MAL2: variants seen among roughly 807,000 people sequenced by gnomAD.
MAL2 encodes protein MAL2.
A neutral mutation model predicts 18.1 loss-of-function variants in MAL2; 17 were observed. That is an observed-to-expected ratio of 0.94 (90% CI 0.64 to 1.41). The LOEUF is 1.41. Among genes scored for constraint, MAL2 ranks in the 40% most tolerant of loss-of-function variants. The probability of loss-of-function intolerance (pLI) is 0.00; values close to 1 mark genes in which losing one functional copy is unlikely to be tolerated. For synonymous variants in MAL2, 102 were observed against 102.3 expected (o/e 1.00, Z 0.02); for missense variants, 222 against 231.9 (o/e 0.96, Z 0.28).
chr8:119,243,235 T>C (rs1261251225), intron 3 of MAL2, among the ~76,000 whole-genome samples, 182 bp from the exon 4 acceptor site: 1 of 151,088 alleles, frequency 6.6e-6, no homozygotes, highest in Non-Finnish European at 1.5e-5. Context: ...AGGGTAATTG[T>C]ATGAGGGAAT....
At chr8:119,225,534 G>A (rs1382556358) in intron 2 of MAL2, among the ~76,000 whole-genome samples, 2 of 152,170 alleles carry the variant, frequency 1.3e-5, no homozygotes, top group African/African-American at 4.8e-5. Context: ...GGACATTTCG[G>A]TTGGTTCCAA....
At chr8:119,226,387 C>A (rs369214487) in intron 2 of MAL2, among the ~76,000 whole-genome samples, 2 of 150,984 alleles carry the variant, frequency 1.3e-5, no homozygotes, top group South Asian at 4.2e-4. Context: ...ACCATTTATT[C>A]AATAGGGAAT....
intron 2 of MAL2, among the ~76,000 whole-genome samples, chr8:119,235,610 C>T (rs1000064212): frequency 1.3e-5 from 2 of 151,950 alleles, no homozygotes; most frequent in Non-Finnish European, 2.9e-5. Flanking sequence ...TTGGCAGAAA[C>T]CCTACAAGCC....
chr8:119,242,293 G>T (rs919342214), intron 3 of MAL2, among the ~76,000 whole-genome samples: 11 of 152,110 alleles, frequency 7.2e-5, no homozygotes, highest in African/African-American at 2.4e-4. Flanking sequence ...TTCTGTTCTG[G>T]CTGCTTCTCT....
intron 2 of MAL2, among the ~76,000 whole-genome samples, chr8:119,237,828 T>C (rs1355892458): frequency 1.3e-5 from 2 of 152,042 alleles, no homozygotes; most frequent in Non-Finnish European, 2.9e-5. Flanking sequence ...CCACAGCCAA[T>C]ATCATACTGA....
chr8:119,212,035 G>A (rs1295337926), intron 1 of MAL2, among the ~76,000 whole-genome samples: 1 of 152,192 alleles, frequency 6.6e-6, no homozygotes, highest in Non-Finnish European at 1.5e-5. Flanking sequence ...ACCTAGTTGA[G>A]AGTATAGTCA....
chr8:119,208,363 G>A lies in MAL2; in HGVS notation c.-110G>A, dbSNP rs1474900076. On this transcript the variant is annotated 5_prime_UTR_variant, in exon 1 of 4. Coordinates refer to ENST00000614891, the MANE Select transcript of MAL2 (RefSeq NM_052886.3). The surrounding 1 kb of genome is among the most constrained non-coding windows in gnomAD (Gnocchi z 4.3). ...ACGGCCACGCCTCCTCCCGCGCGGCGCGCCCGGAGCCCGCGGAGCTGAGCG... is the reference window on the plus strand; with the variant it reads ...ACGGCCACGCCTCCTCCCGCGCGGCACGCCCGGAGCCCGCGGAGCTGAGCG... 191 of 525,692 alleles carry A rather than the reference G, an allele frequency of 3.6e-4. 3 individuals are homozygous for A. Among genetic ancestry groups the A allele is most frequent in the Non-Finnish European group, 4.6e-4 (187 of 409,040 alleles). The allele number at this position is 525,692 out of a possible 1,614,324, so 32.6% of individuals were successfully genotyped here. A position where few individuals can be genotyped will look rare whatever the true frequency, so the allele number is the denominator to read the frequency against.
Position 119,208,642 on chromosome 8 carries a change from C to T in MAL2, c.132+38C>T, listed in dbSNP as rs947950319. 1 of 1,274,210 alleles carries T rather than the reference C, an allele frequency of 7.8e-7. No individual in the cohort carries two copies. Among genetic ancestry groups the T allele is most frequent in the South Asian group, 2.7e-5 (1 of 37,516 alleles). 78.9% of individuals were successfully genotyped at this position (1,274,210 alleles called of 1,614,324 possible). On this transcript the variant is annotated intron_variant, in intron 1 of 3. Coordinates refer to ENST00000614891, the MANE Select transcript of MAL2 (RefSeq NM_052886.3). This position sits in a 1 kb window ranked among gnomAD's most constrained non-coding sequence, Gnocchi z 4.3. ...GCCGGAGCGAGGGTCGCGCGGGGAG[C>T]GAGGACAGGCGGCGGCATCCTTGTC...
At chr8:119,236,814 A>G (rs1430052432) in intron 2 of MAL2, among the ~76,000 whole-genome samples, 11 of 151,484 alleles carry the variant, frequency 7.3e-5, no homozygotes, top group South Asian at 4.2e-4. Flanking sequence ...GAAATTTATA[A>G]CACTAAATGC....
rs1817999157 is a variant in MAL2, at chr8:119,239,531, C to G, written c.304-634C>G. 2.0e-5 allele frequency among the ~76,000 whole-genome samples: 3 copies of G among 152,040 alleles called. No homozygotes were observed. In the South Asian group the frequency reaches 6.2e-4, roughly 32 times the overall value. ...ACTTGGAACCAACCCAAATGTCCAA[C>G]AATGATAGACTGGATTAAGAAAATG... On this transcript the variant is annotated intron_variant, in intron 2 of 3. Coordinates refer to ENST00000614891, the MANE Select transcript of MAL2 (RefSeq NM_052886.3).
intron 2 of MAL2, among the ~76,000 whole-genome samples, chr8:119,237,681 C>G (rs1196450786): frequency 1.3e-5 from 2 of 151,852 alleles, no homozygotes; most frequent in Non-Finnish European, 1.5e-5. Flanking sequence ...GAGCCAAAGA[C>G]AAAAACCACA....
intron 2 of MAL2, among the ~76,000 whole-genome samples, chr8:119,235,143 C>T (rs890686218): frequency 2.6e-4 from 39 of 152,048 alleles, no homozygotes; most frequent in Admixed American, 9.2e-4. Context: ...AACCAAGGCT[C>T]GAGAACTATG....
At chr8:119,217,229 T>C (rs1233590265) in intron 1 of MAL2, among the ~76,000 whole-genome samples, 1 of 152,242 alleles carries the variant, frequency 6.6e-6, no homozygotes, top group Non-Finnish European at 1.5e-5. Flanking sequence ...GTCATACCTT[T>C]CTGGTCTGCA....
Position 119,240,329 on chromosome 8 carries a change from T to G in MAL2, c.459+9T>G, listed in dbSNP as rs1451960515. 6.2e-7 allele frequency: 1 copy of G among 1,612,410 alleles called. No homozygotes were observed. Among genetic ancestry groups the G allele is most frequent in the Non-Finnish European group, 8.5e-7 (1 of 1,178,998 alleles). On this transcript the variant is annotated intron_variant, in intron 3 of 3. Coordinates refer to ENST00000614891, the MANE Select transcript of MAL2 (RefSeq NM_052886.3). ...TAAACGTAGCAGCCTCAGTAAGTAT[T>G]CATATTCAATGAGTACCATTCACCA...
At chr8:119,234,921 C>A (rs545740435) in intron 2 of MAL2, among the ~76,000 whole-genome samples, 7 of 152,114 alleles carry the variant, frequency 4.6e-5, no homozygotes, top group Non-Finnish European at 7.3e-5. Flanking sequence ...TCCAAAGGAA[C>A]GCAGTTCCTC....
chr8:119,239,899 A>C (rs554054032), intron 2 of MAL2, among the ~76,000 whole-genome samples: 2 of 152,282 alleles, frequency 1.3e-5, no homozygotes, highest in African/African-American at 4.8e-5. Context: ...TAAAACTTAA[A>C]GTATAATAAT....
chr8:119,243,285 TA>T, intron 3 of MAL2, 131 bp from the exon 4 acceptor site: 1 of 555,796 alleles, frequency 1.8e-6, no homozygotes, highest in Non-Finnish European at 2.9e-6. Flanking sequence ...AAAAACAATG[TA>T]AAATATTTTT....
intron 2 of MAL2, among the ~76,000 whole-genome samples, chr8:119,233,039 CT>C (rs1817769915): frequency 6.6e-6 from 1 of 152,036 alleles, no homozygotes; most frequent in African/African-American, 2.4e-5. Flanking sequence ...AGGTGTGGTG[CT>C]GAAAAAATGT....
intron 3 of MAL2, among the ~76,000 whole-genome samples, chr8:119,240,940 T>C (rs1356248909): frequency 3.3e-5 from 5 of 152,176 alleles, no homozygotes; most frequent in Admixed American, 3.3e-4. Flanking sequence ...TTTGTGTAGA[T>C]AATTTGAGGA....
Sources: allele counts gnomAD v4.1 joint callset (sites outside exome capture counted in the v4.1 genomes callset), GRCh38; gene constraint gnomAD v4.1.1; non-coding constraint Gnocchi (gnomAD v3.1); transcripts MANE v1.5; gene names NCBI Gene and HGNC (gene_info 2026-07-23, HGNC 2026-07-21).